CD28: variants seen among roughly 807,000 people sequenced by gnomAD.
CD28 encodes the protein CD28 molecule.
CD28 carries 8 observed loss-of-function variants against 21.4 expected under a neutral mutation model. The ratio of observed to expected loss-of-function variants is 0.37; its 90% CI spans 0.22 to 0.68. The LOEUF (loss-of-function observed/expected upper bound fraction) is 0.68, where lower values mean the gene tolerates loss of function less well. CD28 is among the 30% of genes least tolerant of loss of function. CD28 has a pLI of 0.55. For synonymous variants in CD28, 106 were observed against 104.0 expected (o/e 1.02, Z -0.12); for missense variants, 239 against 272.2 (o/e 0.88, Z 0.86).
rs1694097303 is a variant in CD28 at position 203,738,373 on chromosome 2, G to A, written c.*3461G>A. 6.6e-6 allele frequency: 1 copy of A among 152,194 alleles called. No individual in the cohort carries two copies. Among genetic ancestry groups the A allele is most frequent in the Non-Finnish European group, 1.5e-5 (1 of 68,048 alleles). 9.4% of individuals were successfully genotyped at this position (152,194 alleles called of 1,614,324 possible). ...ATTCAACTACATGCTGGAGATTAGA[G>A]ATGGTGCCAATAAAGGACCCAGAAC... is the stretch of plus-strand genomic sequence containing the variant. On this transcript the variant is annotated 3_prime_UTR_variant, in exon 4 of 4. Coordinates refer to ENST00000324106, the MANE Select transcript of CD28 (RefSeq NM_006139.4).
chr2:203,726,589 T>G (rs199831106), intron 1 of CD28, 44 bp from the exon 2 acceptor site: 4 of 1,415,814 alleles, frequency 2.8e-6, no homozygotes, highest in Non-Finnish European at 3.9e-6. Context: ...AGAAAAATTA[T>G]CCTTATATTC....
In CD28 at chr2:203,723,312, C is replaced by A. The variant is rs373078182; in HGVS notation, c.53-3321C>A. Among the ~76,000 whole-genome samples, 878 of 151,888 alleles carry A rather than the reference C, an allele frequency of 5.8e-3. 6 individuals carry two copies. The highest frequency in any genetic ancestry group is 0.02 in the African/African-American group (838 of 41,348). On this transcript the variant is annotated intron_variant, in intron 1 of 3. Coordinates refer to ENST00000324106, the MANE Select transcript of CD28 (RefSeq NM_006139.4). ...GACCAGCCTGGCCCACATGGAGAAA[C>A]CCCATCTCTACTAAAAATATAAAAA...
Position 203,737,908 on chromosome 2 carries a change from C to T in CD28, c.*2996C>T, listed in dbSNP as rs55976309. The T allele has an allele frequency of 1.9e-3, 283 of 152,524 alleles. No homozygotes were observed. Among genetic ancestry groups the T allele is most frequent in the Middle Eastern group, 3.4e-3 (1 of 292 alleles). The allele number at this position is 152,524 out of a possible 1,614,324, so 9.4% of individuals were successfully genotyped here. A position where few individuals can be genotyped will look rare whatever the true frequency, so the allele number is the denominator to read the frequency against. ...AAGATATGCTTTCAGAATAGATATG[C>T]TTCGCTTTGGCAAGGAATTTGGATA... is the stretch of plus-strand genomic sequence containing the variant. On this transcript the variant is annotated 3_prime_UTR_variant, in exon 4 of 4. Transcript: ENST00000324106.
In CD28 at chr2:203,735,734, G is replaced by T. The variant is rs45620941; in HGVS notation, c.*822G>T. The stretch of plus-strand genomic sequence containing the variant: ...TGTCAAAATTATTTGAGTACTATGG[G>T]ACCTGGCGCAGTGGCTCATGCTTGT... On this transcript the variant is annotated 3_prime_UTR_variant, in exon 4 of 4. Coordinates refer to ENST00000324106, the MANE Select transcript of CD28 (RefSeq NM_006139.4). The T allele has an allele frequency of 0.14, 20,826 of 152,214 alleles. 1,689 individuals are homozygous for T. Among genetic ancestry groups the T allele is most frequent in the Middle Eastern group, 0.22 (65 of 296 alleles). 9.4% of individuals were successfully genotyped at this position (152,214 alleles called of 1,614,324 possible).
chr2:203,727,967 G>T (rs755792307), intron 2 of CD28, among the ~76,000 whole-genome samples: 1 of 152,030 alleles, frequency 6.6e-6, no homozygotes, highest in East Asian at 1.9e-4. Flanking sequence ...GTGAGCCACC[G>T]CGCCCAGCCA....
rs1693793311 is a variant in CD28, at chr2:203,727,823, G to A, written c.409+834G>A. 2.0e-5 allele frequency among the ~76,000 whole-genome samples: 3 copies of A among 152,248 alleles called. No individual in the cohort carries two copies. The South Asian group carries it at 6.2e-4, about 32-fold the overall frequency. On this transcript the variant is annotated intron_variant, in intron 2 of 3. Coordinates refer to ENST00000324106, the MANE Select transcript of CD28 (RefSeq NM_006139.4). ...GCCTCCTGAGTAGCTGGGACTACAGGTACCTGCCACCATGCCCGGCTAATT... is the reference window on the plus strand; with the variant it reads ...GCCTCCTGAGTAGCTGGGACTACAGATACCTGCCACCATGCCCGGCTAATT...
At chr2:203,716,263 C>T (rs1042779353) in intron 1 of CD28, among the ~76,000 whole-genome samples, 2 of 152,122 alleles carry the variant, frequency 1.3e-5, no homozygotes, top group Admixed American at 6.6e-5. Flanking sequence ...TATGGCCCAG[C>T]TAAATGTGAA....
rs1693757071 is a variant in CD28, at chr2:203,726,646, G to A, written c.66G>A (p.Leu22=). The change falls in exon 2 of 4, where the codon TTG becomes TTA. Residue 22 remains leucine, a synonymous_variant. Transcript: ENST00000324106. ...TTTTTCCCCCAGGAAACAAGATTTTGGTGAAGCAGTCGCCCATGCTTGTAG... is the reference window on the plus strand; with the variant it reads ...TTTTTCCCCCAGGAAACAAGATTTTAGTGAAGCAGTCGCCCATGCTTGTAG... ...PSIQVTGNKI[L]VKQSPMLVAY... is the part of the protein sequence containing the mutation. 6.2e-7 allele frequency: 1 copy of A among 1,602,576 alleles called. No individual in the cohort carries two copies.
chr2:203,706,809 GT>G, intron 1 of CD28, 61 bp downstream of exon 1: 1 of 1,296,102 alleles, frequency 7.7e-7, no homozygotes, highest in Non-Finnish European at 1.1e-6. Context: ...AATTGGCTTA[GT>G]TTATTTTAAA....
chr2:203,707,154 A>G (rs914703840), intron 1 of CD28, among the ~76,000 whole-genome samples: 1 of 151,822 alleles, frequency 6.6e-6, no homozygotes, highest in Non-Finnish European at 1.5e-5. Flanking sequence ...AATAATTTTT[A>G]ATTTATGTAT....
rs755944886 is a variant in CD28, at chr2:203,706,704, G to A, written c.8G>A (p.Arg3Lys). 2 of 1,614,092 alleles carry A rather than the reference G, an allele frequency of 1.2e-6. No individual in the cohort carries two copies. The highest frequency in any genetic ancestry group is 1.7e-6 in the Non-Finnish European group (2 of 1,180,010). Reference sequence around the variant, plus strand: ...CCCATCGTCAGGACAAAGATGCTCAGGCTGCTCTTGGCTCTCAACTTATTC... The same window carrying A: ...CCCATCGTCAGGACAAAGATGCTCAAGCTGCTCTTGGCTCTCAACTTATTC... The part of the protein sequence containing the change: ML[R>K]LLLALNLFPS... Residue 3 changes from arginine to lysine, a missense_variant, in exon 1 of 4, where the codon AGG (arginine) becomes AAG (lysine). Physicochemically the swap from Arg to Lys is conservative, Grantham distance 26 (BLOSUM62 2). This residue lies in a region of CD28 where 104 missense variants were observed against 108.5 expected (regional missense o/e 0.96). Coordinates refer to ENST00000324106, the MANE Select transcript of CD28 (RefSeq NM_006139.4).
At position 203,738,382 on chromosome 2, in the gene CD28, A is replaced by G. The variant is rs901303113; in HGVS notation, c.*3470A>G. On this transcript the variant is annotated 3_prime_UTR_variant, in exon 4 of 4. Coordinates refer to ENST00000324106, the MANE Select transcript of CD28 (RefSeq NM_006139.4). Reference sequence around the variant, plus strand: ...CATGCTGGAGATTAGAGATGGTGCCAATAAAGGACCCAGAACCAGGATCTT... The same window carrying G: ...CATGCTGGAGATTAGAGATGGTGCCGATAAAGGACCCAGAACCAGGATCTT... 1.3e-5 allele frequency: 2 copies of G among 152,226 alleles called. No homozygotes were observed. The highest frequency in any genetic ancestry group is 4.8e-5 in the African/African-American group (2 of 41,448). The allele number at this position is 152,226 out of a possible 1,614,324, so 9.4% of individuals were successfully genotyped here. A position where few individuals can be genotyped will look rare whatever the true frequency, so the allele number is the denominator to read the frequency against.
chr2:203,720,318 G>A lies in CD28; in HGVS notation c.53-6315G>A, dbSNP rs148937490. Among the ~76,000 whole-genome samples, 672 of 152,306 alleles carry A rather than the reference G, an allele frequency of 4.4e-3. 4 individuals carry two copies. Among genetic ancestry groups the A allele is most frequent in the South Asian group, 0.014 (68 of 4,822 alleles). ...ACTAAATTCACCTTCAAAACAACTT[G>A]TCAATTCAGTTAGAGAAATGTCAGT... is the stretch of plus-strand genomic sequence containing the variant. On this transcript the variant is annotated intron_variant, in intron 1 of 3. Transcript: ENST00000324106.
chr2:203,707,601 T>C (rs940460615), intron 1 of CD28, among the ~76,000 whole-genome samples: 4 of 152,202 alleles, frequency 2.6e-5, no homozygotes, highest in Non-Finnish European at 4.4e-5. Flanking sequence ...CCAATGACGA[T>C]GATGAGGAGG....
At position 203,738,840 on chromosome 2, in the gene CD28, C is replaced by G. The variant is rs1022834610; in HGVS notation, c.*3928C>G. On this transcript the variant is annotated 3_prime_UTR_variant, in exon 4 of 4. Transcript: ENST00000324106. ...AAGCTTCATGAGGCAAGTAACTTTGCTTTGTTTCTTGCTGTATCTCCAGTG... is the reference window on the plus strand; with the variant it reads ...AAGCTTCATGAGGCAAGTAACTTTGGTTTGTTTCTTGCTGTATCTCCAGTG... The G allele has an allele frequency of 6.6e-6, 1 of 152,048 alleles. No homozygotes were observed. The highest frequency in any genetic ancestry group is 2.4e-5 in the African/African-American group (1 of 41,376). 9.4% of individuals were successfully genotyped at this position (152,048 alleles called of 1,614,324 possible).
chr2:203,712,998 A>C (rs1054645717), intron 1 of CD28, among the ~76,000 whole-genome samples: 1 of 152,210 alleles, frequency 6.6e-6, no homozygotes, highest in South Asian at 2.1e-4. Flanking sequence ...ATGGTCACAA[A>C]GCTACTAAGT....
Position 203,735,050 on chromosome 2 carries a change from T to G in CD28, c.*138T>G, listed in dbSNP as rs1693996543. The G allele has an allele frequency of 6.0e-5, 52 of 859,526 alleles. No individual in the cohort carries two copies. The highest frequency in any genetic ancestry group is 8.6e-5 in the Non-Finnish European group (48 of 557,666). The allele number at this position is 859,526 out of a possible 1,614,324, so 53.2% of individuals were successfully genotyped here. On this transcript the variant is annotated 3_prime_UTR_variant, in exon 4 of 4. Coordinates refer to ENST00000324106, the MANE Select transcript of CD28 (RefSeq NM_006139.4). ...GCCACCAATGCCAATTTTTCTCGAG[T>G]GACTAGACCAAATATCAAGATCATT... is the stretch of plus-strand genomic sequence containing the variant.
chr2:203,729,896 A>G (rs1693844674), intron 3 of CD28, 124 bp downstream of exon 3: 8 of 951,860 alleles, frequency 8.4e-6, no homozygotes, highest in Non-Finnish European at 1.3e-5. Flanking sequence ...TCTTTTCCCC[A>G]TGCTTGAGTA....
At chr2:203,731,011 C>T (rs1266889947) in intron 3 of CD28, among the ~76,000 whole-genome samples, 1 of 152,200 alleles carries the variant, frequency 6.6e-6, no homozygotes, top group Non-Finnish European at 1.5e-5. Context: ...TTCAGTTGTT[C>T]CCCACATGCT....
Sources: allele counts gnomAD v4.1 joint callset (sites outside exome capture counted in the v4.1 genomes callset), GRCh38; gene constraint gnomAD v4.1.1; regional missense constraint gnomAD v4.1.1; transcripts MANE v1.5; gene names NCBI Gene and HGNC (gene_info 2026-07-23, HGNC 2026-07-21).